DENND1A: variants seen among roughly 807,000 people sequenced by gnomAD.
DENND1A encodes the protein DENN domain containing 1A.
DENND1A carries 51 observed loss-of-function variants against 113.7 expected under a neutral mutation model. That is an observed-to-expected ratio of 0.45 (90% confidence interval 0.36 to 0.57). The LOEUF is 0.57. Ranked by LOEUF, DENND1A falls within the 20% of genes least tolerant of loss-of-function variation. DENND1A has a pLI of 0.00. For synonymous variants in DENND1A, 565 were observed against 570.8 expected (o/e 0.99, Z 0.14); for missense variants, 1,258 against 1,395.9 (o/e 0.90, Z 1.57).
chr9:123,477,332 C>T (rs2049992907), intron 13 of DENND1A, among the ~76,000 whole-genome samples: 1 of 152,018 alleles, frequency 6.6e-6, no homozygotes, highest in South Asian at 2.1e-4. Flanking sequence ...GGGAGAATTG[C>T]TTTAAGCCAG....
At chr9:123,394,724 C>T (rs560301926) in intron 21 of DENND1A, among the ~76,000 whole-genome samples, 1 of 152,350 alleles carries the variant, frequency 6.6e-6, no homozygotes, top group African/African-American at 2.4e-5. Flanking sequence ...GGCCCCAGCA[C>T]AGGATGTGGG....
chr9:123,395,205 A>C (rs2043052604), intron 21 of DENND1A, among the ~76,000 whole-genome samples: 1 of 152,138 alleles, frequency 6.6e-6, no homozygotes, highest in Non-Finnish European at 1.5e-5. Flanking sequence ...CTGTTCCTAA[A>C]GCATCCCCAA....
At chr9:123,509,228 T>G (rs2134474912) in intron 13 of DENND1A, among the ~76,000 whole-genome samples, 1 of 152,334 alleles carries the variant, frequency 6.6e-6, no homozygotes, top group South Asian at 2.1e-4. Flanking sequence ...GGACAAATTT[T>G]GGCTCTGAGG....
At chr9:123,793,121 C>T (rs759722373) in intron 2 of DENND1A, among the ~76,000 whole-genome samples, 1 of 152,134 alleles carries the variant, frequency 6.6e-6, no homozygotes, top group Non-Finnish European at 1.5e-5. Flanking sequence ...TCTCAAAATG[C>T]TTGTACACTC....
At chr9:123,664,360 CTTTAAA>C (rs1253125443) in intron 8 of DENND1A, among the ~76,000 whole-genome samples, 1 of 152,116 alleles carries the variant, frequency 6.6e-6, no homozygotes, top group African/African-American at 2.4e-5. Flanking sequence ...TTTTCACAAT[CTTTAAA>C]TTTATTGAAT....
At chr9:123,616,350 C>T (rs1235744947) in intron 10 of DENND1A, among the ~76,000 whole-genome samples, 3 of 152,204 alleles carry the variant, frequency 2.0e-5, no homozygotes, top group African/African-American at 4.8e-5. Flanking sequence ...TTGCTAGTGA[C>T]TTCTCTTAAC....
intron 11 of DENND1A, among the ~76,000 whole-genome samples, chr9:123,592,587 C>A (rs1489202718): frequency 6.6e-6 from 1 of 152,174 alleles, no homozygotes; most frequent in African/African-American, 2.4e-5. Context: ...GTTTCAATAT[C>A]TGGGTGGTGG....
At chr9:123,656,124 A>G (rs2062932059) in intron 8 of DENND1A, among the ~76,000 whole-genome samples, 1 of 152,190 alleles carries the variant, frequency 6.6e-6, no homozygotes, top group African/African-American at 2.4e-5. Flanking sequence ...CAGAGAAGAC[A>G]TTTGGTCTGG....
intron 19 of DENND1A, chr9:123,413,389 G>A: frequency 2.7e-5 from 27 of 982,258 alleles, no homozygotes; most frequent in Non-Finnish European, 3.3e-5. Flanking sequence ...ACTCCCGTAT[G>A]AAGCTCCCAT....
At chr9:123,582,142 G>A (rs1318407593) in intron 12 of DENND1A, among the ~76,000 whole-genome samples, 1 of 152,202 alleles carries the variant, frequency 6.6e-6, no homozygotes, top group Non-Finnish European at 1.5e-5. Flanking sequence ...ACTCTACCAT[G>A]TTCTAGATGG....
chr9:123,750,060 G>A (rs1263639469), intron 5 of DENND1A, among the ~76,000 whole-genome samples: 3 of 152,220 alleles, frequency 2.0e-5, no homozygotes, highest in South Asian at 2.1e-4. Context: ...TCCTCCTGCA[G>A]TGGACAGCCT....
At chr9:123,619,212 G>T (rs1034041041) in intron 10 of DENND1A, among the ~76,000 whole-genome samples, 1 of 152,182 alleles carries the variant, frequency 6.6e-6, no homozygotes, top group Non-Finnish European at 1.5e-5. Flanking sequence ...CTCCCAAAGC[G>T]CTGGGATTAC....
chr9:123,751,866 T>G (rs148366501), intron 5 of DENND1A: 3 of 152,370 alleles, frequency 2.0e-5, no homozygotes, highest in African/African-American at 7.2e-5. Context: ...CTTTCCCTTA[T>G]TCTCAAGTTA....
chr9:123,684,693 G>A (rs2064695895), intron 5 of DENND1A, among the ~76,000 whole-genome samples: 1 of 152,196 alleles, frequency 6.6e-6, no homozygotes, highest in Non-Finnish European at 1.5e-5. Context: ...GACGTTTCCA[G>A]TCCAAACATC....
intron 12 of DENND1A, among the ~76,000 whole-genome samples, chr9:123,575,937 G>A (rs1444422072): frequency 6.6e-6 from 1 of 152,178 alleles, no homozygotes; most frequent in East Asian, 1.9e-4. Flanking sequence ...GTAAATTGGA[G>A]TGTCTAGACA....
rs201444084 is a variant in DENND1A, at chr9:123,457,917, G to C, written c.994-20C>G. The C allele has an allele frequency of 4.3e-5, 69 of 1,591,402 alleles. No homozygotes were observed. The highest frequency in any genetic ancestry group is 5.7e-5 in the Non-Finnish European group (66 of 1,165,402). ...CTCCTCCTGGGAAGTGCAGAGGGGA[G>C]AGGTGGGTCAGTGGCACGGAGCAAG... On this transcript the variant is annotated intron_variant, in intron 13 of 23. Coordinates refer to ENST00000394215, the MANE Select transcript of DENND1A (RefSeq NM_001352964.2).
intron 13 of DENND1A, among the ~76,000 whole-genome samples, chr9:123,539,264 A>G (rs1264685916): frequency 7.6e-6 from 1 of 131,468 alleles, no homozygotes; most frequent in Non-Finnish European, 1.7e-5. Context: ...TACAGGGGAC[A>G]GAGGAACATG....
chr9:123,640,876 G>A (rs527705064), intron 9 of DENND1A, among the ~76,000 whole-genome samples: 9 of 152,368 alleles, frequency 5.9e-5, no homozygotes, highest in African/African-American at 2.2e-4. Context: ...GGCGGAGGCA[G>A]AAGTGGAACA....
At chr9:123,646,556 G>A (rs1448458747) in intron 9 of DENND1A, among the ~76,000 whole-genome samples, 3 of 151,940 alleles carry the variant, frequency 2.0e-5, no homozygotes, top group Non-Finnish European at 4.4e-5. Context: ...CCACAGTGTC[G>A]CCTTTCCTGT....
Sources: allele counts gnomAD v4.1 joint callset (sites outside exome capture counted in the v4.1 genomes callset), GRCh38; gene constraint gnomAD v4.1.1; transcripts MANE v1.5; gene names NCBI Gene and HGNC (gene_info 2026-07-23, HGNC 2026-07-21).